TCF4: variants seen among roughly 807,000 people sequenced by gnomAD.
TCF4 encodes SL3-3 enhancer factor 2.
A neutral mutation model predicts 82.1 loss-of-function variants in TCF4; 3 were observed. That is an observed-to-expected ratio of 0.04 (90% confidence interval 0.02 to 0.09). The LOEUF (loss-of-function observed/expected upper bound fraction) is 0.09. TCF4 is among the 10% of genes least tolerant of loss of function. The probability of loss-of-function intolerance (pLI) is 1.00; values close to 1 mark genes in which losing one functional copy is unlikely to be tolerated. For synonymous variants in TCF4, 276 were observed against 309.6 expected (o/e 0.89, Z 1.14); for missense variants, 518 against 852.7 (o/e 0.61, Z 4.89).
rs777133641 is a variant in TCF4 at position 55,596,879 on chromosome 18, GT to G, written c.287-9744del. On this transcript the variant is annotated intron_variant, in intron 2 of 20. Coordinates refer to the TCF4 transcript ENST00000398339. ...CTCAAGTAGATGGGTGATATGGTTT[GT>G]CTCTGTGTCCCCACCCAAATCTCAT... Among the ~76,000 whole-genome samples the G allele has an allele frequency of 1.0e-3, 152 of 152,208 alleles. 4 individuals are homozygous for G. The highest frequency in any genetic ancestry group is 2.4e-4 in the Non-Finnish European group (16 of 68,014).
At chr18:55,328,288 T>G (rs1482890866) in intron 8 of TCF4, among the ~76,000 whole-genome samples, 4 of 152,048 alleles carry the variant, frequency 2.6e-5, no homozygotes, top group African/African-American at 4.8e-5. Context: ...GAAGACTAGA[T>G]GTGATTTTTA....
intron 8 of TCF4, chr18:55,320,809 T>C (rs529020961): frequency 1.3e-5 from 2 of 152,476 alleles, no homozygotes; most frequent in Non-Finnish European, 2.9e-5. Context: ...ACCCAACAAC[T>C]CTTCCCGAGA....
At chr18:55,511,713 T>C (rs1464679928) in intron 3 of TCF4, among the ~76,000 whole-genome samples, 1 of 152,130 alleles carries the variant, frequency 6.6e-6, no homozygotes, top group African/African-American at 2.4e-5. Context: ...AACTAAATTA[T>C]TCCTGATTGA....
intron 15 of TCF4, among the ~76,000 whole-genome samples, chr18:55,239,009 C>T (rs997444753): frequency 1.3e-5 from 2 of 152,134 alleles, no homozygotes; most frequent in African/African-American, 4.8e-5. Context: ...CTTGGCCTGT[C>T]CCGTCCACAT....
In TCF4 at chr18:55,364,637, G is replaced by A. The variant is rs118176677; in HGVS notation, c.370-13634C>T. On this transcript the variant is annotated intron_variant, in intron 6 of 19. Transcript: ENST00000354452. The stretch of plus-strand genomic sequence containing the variant: ...CTCTCTTGAACTTTGTTTACTGCAG[G>A]ATAAAGACTAAGGTGATTATATCTG... 3.1e-4 allele frequency among the ~76,000 whole-genome samples: 47 copies of A among 152,278 alleles called. 2 individuals are homozygous for A. The East Asian group carries it at 7.5e-3, about 24-fold the overall frequency.
At chr18:55,269,768 G>C (rs2059955966) in intron 11 of TCF4, 63 bp downstream of exon 11, 1 of 1,604,914 alleles carries the variant, frequency 6.2e-7, no homozygotes, top group Non-Finnish European at 8.5e-7. Flanking sequence ...GGAAAAAGAG[G>C]TCCTTGATGA....
In TCF4 at chr18:55,613,246, C is replaced by A. The variant is rs181767849; in HGVS notation, c.286+18052G>T. Among the ~76,000 whole-genome samples, 326 of 152,202 alleles carry A rather than the reference C, an allele frequency of 2.1e-3. 2 individuals are homozygous for A. Among genetic ancestry groups the A allele is most frequent in the African/African-American group, 7.2e-3 (299 of 41,528 alleles). ...TCCTCATGCCCCTATGTTATCCCTCCTTCCCAATCCTGCCTTCCACTTTCC... is the reference window on the plus strand; with the variant it reads ...TCCTCATGCCCCTATGTTATCCCTCATTCCCAATCCTGCCTTCCACTTTCC... On this transcript the variant is annotated intron_variant, in intron 2 of 20. Coordinates refer to the TCF4 transcript ENST00000398339.
chr18:55,321,927 T>C, intron 8 of TCF4: 2 of 1,393,046 alleles, frequency 1.4e-6, no homozygotes, highest in Non-Finnish European at 1.9e-6. Context: ...TGTCAGACGC[T>C]CAACTTTGCG....
At chr18:55,351,139 A>C (rs2082231211) in intron 6 of TCF4, 136 bp from the exon 7 acceptor site, 3 of 1,117,210 alleles carry the variant, frequency 2.7e-6, no homozygotes, top group Non-Finnish European at 3.8e-6. Flanking sequence ...AAAACAAAAC[A>C]AAAACCCAAA....
Position 55,363,682 on chromosome 18 carries a change from T to C in TCF4, c.370-12679A>G, listed in dbSNP as rs1195192780. On this transcript the variant is annotated intron_variant, in intron 6 of 19. Transcript: ENST00000354452. ...TTAACCAGGCGTGGTAGTGCACACCTGTAATCCCAGCTATTAGAGAGGCTG... is the reference window on the plus strand; with the variant it reads ...TTAACCAGGCGTGGTAGTGCACACCCGTAATCCCAGCTATTAGAGAGGCTG... 2.0e-5 allele frequency among the ~76,000 whole-genome samples: 3 copies of C among 152,236 alleles called. No homozygotes were observed. In the East Asian group the frequency reaches 5.8e-4, roughly 29 times the overall value.
At chr18:55,246,711 CT>C (rs3838899) in intron 15 of TCF4, among the ~76,000 whole-genome samples, 8,681 of 147,076 alleles carry the variant, frequency 0.059, 473 homozygotes, top group South Asian at 0.25. Flanking sequence ...CCTTTCTGTC[CT>C]TTTTTTTTTC....
chr18:55,494,357 G>A (rs552029909), intron 3 of TCF4, among the ~76,000 whole-genome samples: 8 of 151,670 alleles, frequency 5.3e-5, no homozygotes, highest in Admixed American at 5.2e-4. Flanking sequence ...GATGCACACA[G>A]AGGAAAAATG....
intron 8 of TCF4, among the ~76,000 whole-genome samples, chr18:55,341,107 T>C (rs2079849651): frequency 6.6e-6 from 1 of 152,244 alleles, no homozygotes; most frequent in African/African-American, 2.4e-5. Flanking sequence ...GATAGTCAAA[T>C]ACTTGCTAAC....
At chr18:55,412,341 T>C (rs1222479934) in intron 5 of TCF4, among the ~76,000 whole-genome samples, 2 of 149,528 alleles carry the variant, frequency 1.3e-5, no homozygotes, top group African/African-American at 2.5e-5. Context: ...TCTCCAATAA[T>C]GAAGGCTGTT....
intron 8 of TCF4, among the ~76,000 whole-genome samples, chr18:55,299,097 A>G (rs972204100): frequency 2.0e-5 from 3 of 152,208 alleles, no homozygotes; most frequent in African/African-American, 4.8e-5. Flanking sequence ...CTTCAAAACT[A>G]AAAATTCATC....
chr18:55,575,576 AT>A (rs904269668), intron 3 of TCF4, among the ~76,000 whole-genome samples: 60 of 149,254 alleles, frequency 4.0e-4, no homozygotes, highest in South Asian at 2.1e-3. Flanking sequence ...TTTGTCATAA[AT>A]TTTTTTTTTT....
intron 8 of TCF4, among the ~76,000 whole-genome samples, chr18:55,281,085 T>G (rs548583701): frequency 1.1e-3 from 163 of 152,310 alleles, no homozygotes; most frequent in Middle Eastern, 3.4e-3. Flanking sequence ...ACAAGCCCTA[T>G]ATTTCACTGG....
At chr18:55,500,503 A>G (rs1317664222) in intron 3 of TCF4, among the ~76,000 whole-genome samples, 1 of 152,216 alleles carries the variant, frequency 6.6e-6, no homozygotes, top group African/African-American at 2.4e-5. Flanking sequence ...TCATTTCGGC[A>G]CATCCTGTTT....
chr18:55,459,311 C>T lies in TCF4; in HGVS notation c.304+1708G>A, dbSNP rs1440571426. 2.0e-5 allele frequency among the ~76,000 whole-genome samples: 3 copies of T among 152,164 alleles called. No homozygotes were observed. The East Asian group carries it at 5.8e-4, about 29-fold the overall frequency. On this transcript the variant is annotated intron_variant, in intron 5 of 19. Coordinates refer to ENST00000354452, the MANE Select transcript of TCF4 (RefSeq NM_001083962.2). ...CTAATTTGATTTGTAAAGCAGTTGC[C>T]CATGAGGAAACATGAACAGAACAAT... is the stretch of plus-strand genomic sequence containing the variant.
Sources: allele counts gnomAD v4.1 joint callset (sites outside exome capture counted in the v4.1 genomes callset), GRCh38; gene constraint gnomAD v4.1.1; transcripts MANE v1.5; gene names NCBI Gene and HGNC (gene_info 2026-07-23, HGNC 2026-07-21).